The following CACNA1C variants were observed in gnomAD, a reference collection of about 807,000 sequenced individuals.
CACNA1C encodes the protein voltage-dependent L-type calcium channel subunit alpha-1C.
A neutral mutation model predicts 229.0 loss-of-function variants in CACNA1C; 30 were observed. That is an observed-to-expected ratio of 0.13 (90% CI 0.10 to 0.18). The LOEUF (loss-of-function observed/expected upper bound fraction) is 0.18, where lower values mean the gene tolerates loss of function less well. Ranked by LOEUF, CACNA1C falls within the 10% of genes least tolerant of loss-of-function variation. The pLI is 1.00. For missense variants in CACNA1C, 1,658 were observed against 2,845.0 expected (o/e 0.58, Z 9.49); for synonymous variants, 1,114 against 1,132.5 (o/e 0.98, Z 0.33).
chr12:2,666,716 C>T lies in CACNA1C; in HGVS notation c.4557C>T (p.Thr1519=). ...KGRIKHLDVV[T]LLRRIQPPLG... is the part of the protein sequence containing the mutation. ...GTATCAAACACCTGGATGTGGTGAC[C>T]CTCCTCCGGCGGATTCAGCCGCCAC... Residue 1519 remains threonine (T), a synonymous_variant, in exon 37 of 47, where the codon ACC becomes ACT. Coordinates refer to ENST00000399655, the MANE Select transcript of CACNA1C (RefSeq NM_000719.7). This position sits in a 1 kb window ranked among gnomAD's most constrained non-coding sequence, Gnocchi z 5.3. 3 of 1,601,044 alleles carry T rather than the reference C, an allele frequency of 1.9e-6. No individual in the cohort carries two copies. The highest frequency in any genetic ancestry group is 1.1e-5 in the South Asian group (1 of 88,246).
chr12:2,560,953 C>G (rs2047157069), intron 11 of CACNA1C, among the ~76,000 whole-genome samples: 1 of 152,132 alleles, frequency 6.6e-6, no homozygotes, highest in East Asian at 1.9e-4. Flanking sequence ...TGCCTGTGCA[C>G]CATTGCATGT....
chr12:2,105,316 C>A (rs549618022), intron 1 of CACNA1C, among the ~76,000 whole-genome samples: 1 of 152,222 alleles, frequency 6.6e-6, no homozygotes, highest in East Asian at 1.9e-4. Flanking sequence ...AGGGAGTACT[C>A]GTCAGTTGGG....
intron 3 of CACNA1C, among the ~76,000 whole-genome samples, chr12:2,255,609 A>T (rs1029121815): frequency 1.2e-4 from 19 of 152,218 alleles, no homozygotes; most frequent in Non-Finnish European, 1.5e-5. Flanking sequence ...TAAGTGTGTG[A>T]CAGTAAGCTG....
At chr12:2,613,487 A>G (rs1258227587) in intron 29 of CACNA1C, 3 of 152,244 alleles carry the variant, frequency 2.0e-5, no homozygotes, top group African/African-American at 4.8e-5. Flanking sequence ...AGATAAGACA[A>G]TATTCCTACA....
intron 10 of CACNA1C, among the ~76,000 whole-genome samples, chr12:2,556,215 C>T (rs2044175426): frequency 6.6e-6 from 1 of 152,164 alleles, no homozygotes; most frequent in African/African-American, 2.4e-5. Context: ...CTCCAGCCTC[C>T]TGCCTCCCCT....
intron 42 of CACNA1C, among the ~76,000 whole-genome samples, chr12:2,680,929 C>T (rs913912238): frequency 5.3e-5 from 8 of 152,190 alleles, no homozygotes; most frequent in African/African-American, 1.2e-4. Context: ...TTTTATGTGC[C>T]GGCCTGAAGG....
At chr12:2,641,218 G>T (rs1398297276) in intron 30 of CACNA1C, among the ~76,000 whole-genome samples, 2 of 152,190 alleles carry the variant, frequency 1.3e-5, no homozygotes, top group South Asian at 2.1e-4. Context: ...TTCCTCAAAG[G>T]TACCTTGAGC....
rs558208072 is a variant in CACNA1C, at chr12:2,140,050, G to C, written c.477+19620G>C. On this transcript the variant is annotated intron_variant, in intron 3 of 46. Coordinates refer to ENST00000399655, the MANE Select transcript of CACNA1C (RefSeq NM_000719.7). ...TGGTGGACCAGCGGTGACCCAGGCA[G>C]CTCCTGGTGCTGTGTACTAGGCTAG... Among the ~76,000 whole-genome samples, 23 of 151,490 alleles carry C rather than the reference G, an allele frequency of 1.5e-4. No homozygotes were observed. In the East Asian group the frequency reaches 3.9e-3, roughly 25 times the overall value.
rs995256623 is a variant in CACNA1C at position 2,078,969 on chromosome 12, G to A, written c.49+25358G>A. Reference sequence around the variant, plus strand: ...CAGCCATAAAAAATGATGAGTTCATGTCCTTTGTAGGGACATGGATGAAGC... The same window carrying A: ...CAGCCATAAAAAATGATGAGTTCATATCCTTTGTAGGGACATGGATGAAGC... On this transcript the variant is annotated intron_variant, in intron 1 of 46. Transcript: ENST00000399655. 7.2e-5 allele frequency among the ~76,000 whole-genome samples: 11 copies of A among 152,078 alleles called. 1 individual carries two copies. Among genetic ancestry groups the A allele is most frequent in the Admixed American group, 7.2e-4 (11 of 15,276 alleles).
intron 13 of CACNA1C, among the ~76,000 whole-genome samples, chr12:2,572,819 C>A (rs2056681187): frequency 1.6e-5 from 2 of 126,086 alleles, no homozygotes; most frequent in Non-Finnish European, 3.4e-5. Flanking sequence ...CTCCTCTCCT[C>A]CTCCTCCCCT....
At chr12:2,497,969 TCACACACACACA>T (rs3058710) in intron 7 of CACNA1C, among the ~76,000 whole-genome samples, 7 of 144,012 alleles carry the variant, frequency 4.9e-5, no homozygotes, top group South Asian at 2.3e-4. Flanking sequence ...TCTATTAAAT[TCACACACACACA>T]CACACACACA....
At chr12:2,536,264 G>A (rs1313342961) in intron 9 of CACNA1C, among the ~76,000 whole-genome samples, 3 of 152,230 alleles carry the variant, frequency 2.0e-5, no homozygotes, top group Non-Finnish European at 4.4e-5. Context: ...ATAGCTTTGT[G>A]AACGGCAAAG....
chr12:2,290,965 CAG>C (rs1591828728), intron 3 of CACNA1C, among the ~76,000 whole-genome samples: 1 of 152,180 alleles, frequency 6.6e-6, no homozygotes, highest in African/African-American at 2.4e-5. Context: ...AAAGTGATAT[CAG>C]GGGGTTTACA....
intron 3 of CACNA1C, among the ~76,000 whole-genome samples, chr12:2,308,071 C>G (rs1403760536): frequency 6.6e-6 from 1 of 152,162 alleles, no homozygotes; most frequent in African/African-American, 2.4e-5. Context: ...GAAATACTGA[C>G]TTACATAGTA....
At chr12:2,135,796 A>T (rs546648643) in intron 3 of CACNA1C, among the ~76,000 whole-genome samples, 3 of 145,248 alleles carry the variant, frequency 2.1e-5, no homozygotes, top group Admixed American at 2.0e-4. Flanking sequence ...TGGAGCCTAC[A>T]GAGGCAGGCA....
At chr12:2,122,535 TC>T (rs1224842814) in intron 3 of CACNA1C, among the ~76,000 whole-genome samples, 1 of 151,936 alleles carries the variant, frequency 6.6e-6, no homozygotes, top group Non-Finnish European at 1.5e-5. Context: ...TGACCCGGCC[TC>T]CCGGTCCTTG....
chr12:2,677,097 ATGAGGTC>A lies in CACNA1C; in HGVS notation c.4833_4839del (p.Asp1611GlufsTer11). 6.2e-7 allele frequency: 1 copy of A among 1,612,782 alleles called. No homozygotes were observed. The highest frequency in any genetic ancestry group is 8.5e-7 in the Non-Finnish European group (1 of 1,179,438). ...CTCCCCTCTCCATACGTCTCAGATG[ATGAGGTC>A]ACCGTTGGCAAGTTCTACGCCACGT... is the stretch of plus-strand genomic sequence containing the variant. On this transcript the variant is annotated frameshift_variant, in exon 40 of 47. Transcript: ENST00000399655. LOFTEE classifies it high-confidence loss of function. The surrounding 1 kb of genome is among the most constrained non-coding windows in gnomAD (Gnocchi z 7.4).
intron 9 of CACNA1C, among the ~76,000 whole-genome samples, chr12:2,536,481 G>A (rs1386192431): frequency 1.3e-5 from 2 of 152,120 alleles, no homozygotes; most frequent in Non-Finnish European, 2.9e-5. Flanking sequence ...ATCTGCCTCT[G>A]CGACTCTGGA....
intron 3 of CACNA1C, among the ~76,000 whole-genome samples, chr12:2,414,422 C>G (rs2098842523): frequency 6.6e-6 from 1 of 152,146 alleles, no homozygotes; most frequent in Admixed American, 6.5e-5. Flanking sequence ...ACACCAGCTT[C>G]CCGTGGATGG....
Sources: gnomAD v4.1 joint callset for allele counts (sites outside exome capture counted in the v4.1 genomes callset) on GRCh38, gnomAD v4.1.1 for gene constraint, Gnocchi (gnomAD v3.1) non-coding constraint, MANE v1.5 for transcripts, NCBI Gene and HGNC (gene_info 2026-07-23, HGNC 2026-07-21) for gene names.